Variants in CFTR observed in about 807,000 individuals in gnomAD.
CFTR encodes the protein CF transmembrane conductance regulator.
CFTR carries 181 observed loss-of-function variants against 171.6 expected under a neutral mutation model. The observed-to-expected ratio is 1.05, with a 90% CI of 0.93 to 1.19. The LOEUF (loss-of-function observed/expected upper bound fraction) is 1.19, where lower values mean the gene tolerates loss of function less well. Ranked by LOEUF, CFTR falls within the 50% of genes most tolerant of loss-of-function variation. The pLI is 0.00. For missense variants in CFTR, 1,968 were observed against 1,734.7 expected, an observed-to-expected ratio of 1.13 and a Z score of -2.39; for synonymous variants, 583 against 608.0, an observed-to-expected ratio of 0.96 and a Z score of 0.60.
intron 6 of CFTR, 114 bp downstream of exon 6, chr7:117,535,525 A>AT (rs764945997): frequency 0.2 from 97,627 of 489,662 alleles, 3,278 homozygotes; most frequent in Non-Finnish European, 0.21. Context: ...GTGTCATTAA[A>AT]TTTTTTTTTT....
Position 117,627,690 on chromosome 7 carries a change from A to C in CFTR, c.3637A>C (p.Lys1213Gln), listed in dbSNP as rs1266135988. 7 of 1,613,240 alleles carry C rather than the reference A, an allele frequency of 4.3e-6. No individual in the cohort carries two copies. The highest frequency in any genetic ancestry group is 5.1e-6 in the Non-Finnish European group (6 of 1,179,530). The change falls in exon 22 of 27, where the codon AAA becomes CAA. Residue 1213 changes from lysine to glutamine, a missense_variant. Lys to Gln is a moderately conservative substitution (Grantham distance 53). Transcript: ENST00000003084. Reference protein sequence around the residue: ...IWPSGGQMTVKDLTAKYTEGG... With the variant: ...IWPSGGQMTVQDLTAKYTEGG... Reference sequence around the variant, plus strand: ...GCCCTCAGGGGGCCAAATGACTGTCAAAGATCTCACAGCAAAATACACAGA... The same window carrying C: ...GCCCTCAGGGGGCCAAATGACTGTCCAAGATCTCACAGCAAAATACACAGA...
chr7:117,638,107 C>T (rs1792854344), intron 22 of CFTR, among the ~76,000 whole-genome samples: 1 of 152,178 alleles, frequency 6.6e-6, no homozygotes, highest in Non-Finnish European at 1.5e-5. Flanking sequence ...TACTGGTTCT[C>T]TCAGAGGTTT....
At chr7:117,540,461 T>A in intron 8 of CFTR, 115 bp downstream of exon 8, 1 of 954,376 alleles carries the variant, frequency 1.0e-6, no homozygotes. Context: ...TTTCCTTCAC[T>A]AGGAAGTTAT....
At chr7:117,548,241 C>G (rs1187830700) in intron 9 of CFTR, among the ~76,000 whole-genome samples, 1 of 151,812 alleles carries the variant, frequency 6.6e-6, no homozygotes, top group East Asian at 1.9e-4. Context: ...TCACAGTCTA[C>G]AGCTTTGAAA....
At chr7:117,567,019 G>A (rs767093164) in intron 11 of CFTR, among the ~76,000 whole-genome samples, 1 of 152,158 alleles carries the variant, frequency 6.6e-6, no homozygotes, top group Admixed American at 6.6e-5. Context: ...AATTACAGCT[G>A]TCTAGGAGCA....
intron 24 of CFTR, among the ~76,000 whole-genome samples, chr7:117,654,627 G>T (rs778214614): frequency 1.8e-4 from 27 of 152,058 alleles, no homozygotes; most frequent in Non-Finnish European, 3.5e-4. Flanking sequence ...CCCTGCTCTT[G>T]CACCCTCTTT....
intron 1 of CFTR, chr7:117,487,989 C>T (rs537117013): frequency 2.0e-5 from 3 of 152,166 alleles, no homozygotes; most frequent in Admixed American, 6.6e-5. Flanking sequence ...ATAGGGGGCT[C>T]CCTTTGTACG....
chr7:117,524,803 A>G (rs1236405399), intron 3 of CFTR, among the ~76,000 whole-genome samples: 1 of 152,232 alleles, frequency 6.6e-6, no homozygotes, highest in Non-Finnish European at 1.5e-5. Context: ...GTGGCATGTT[A>G]GGCAGTGCTT....
rs137875514 is a variant in CFTR, at chr7:117,627,574, A to C, written c.3521A>C (p.Lys1174Thr). Reference protein sequence around the residue: ...FKFIDMPTEGKPTKSTKPYKN... With the variant: ...FKFIDMPTEGTPTKSTKPYKN... Reference sequence around the variant, plus strand: ...TTCATTGACATGCCAACAGAAGGTAAACCTACCAAGTCAACCAAACCATAC... The same window carrying C: ...TTCATTGACATGCCAACAGAAGGTACACCTACCAAGTCAACCAAACCATAC... The change falls in exon 22 of 27, where the codon AAA (lysine) becomes ACA (threonine). Residue 1174 changes from lysine to threonine, a missense_variant. Coordinates refer to ENST00000003084, the MANE Select transcript of CFTR (RefSeq NM_000492.4). 17 of 1,613,258 alleles carry C rather than the reference A, an allele frequency of 1.1e-5. No individual in the cohort carries two copies. In the African/African-American group the frequency reaches 2.0e-4, roughly 19 times the overall value.
intron 15 of CFTR, among the ~76,000 whole-genome samples, chr7:117,596,869 A>G (rs1031086767): frequency 9.9e-5 from 15 of 152,130 alleles, no homozygotes; most frequent in African/African-American, 2.4e-5. Flanking sequence ...GTTTGTAAAT[A>G]CACCAATGGA....
chr7:117,556,977 T>A (rs213949), intron 10 of CFTR, among the ~76,000 whole-genome samples: 26,654 of 151,962 alleles, frequency 0.18, 2,589 homozygotes, highest in Non-Finnish European at 0.21. Flanking sequence ...AATTTATAAT[T>A]TTATCTTTAT....
In CFTR at chr7:117,480,129, T is replaced by G; in HGVS notation, c.35T>G (p.Val12Gly). 6.2e-7 allele frequency: 1 copy of G among 1,613,644 alleles called. No homozygotes were observed. Among genetic ancestry groups the G allele is most frequent in the Non-Finnish European group, 8.5e-7 (1 of 1,179,826 alleles). ...QRSPLEKASV[V>G]SKLFFSWTRP... ...TCGCCTCTGGAAAAGGCCAGCGTTGTCTCCAAACTTTTTTTCAGGTGAGAA... is the reference window on the plus strand; with the variant it reads ...TCGCCTCTGGAAAAGGCCAGCGTTGGCTCCAAACTTTTTTTCAGGTGAGAA... Residue 12 changes from valine to glycine, a missense_variant, in exon 1 of 27, where the codon GTC becomes GGC. Transcript: ENST00000003084.
intron 20 of CFTR, among the ~76,000 whole-genome samples, chr7:117,612,038 T>TAC (rs1483732415): frequency 3.9e-5 from 3 of 77,582 alleles, no homozygotes; most frequent in African/African-American, 5.7e-5. Context: ...TATATATATA[T>TAC]ATATATATAT....
intron 10 of CFTR, among the ~76,000 whole-genome samples, chr7:117,549,367 C>G (rs1469683632): frequency 6.6e-6 from 1 of 151,952 alleles, no homozygotes; most frequent in African/African-American, 2.4e-5. Context: ...TCTCCATATC[C>G]CACCCTAAGA....
chr7:117,588,404 A>G (rs1791977931), intron 12 of CFTR, among the ~76,000 whole-genome samples: 1 of 152,250 alleles, frequency 6.6e-6, no homozygotes, highest in Non-Finnish European at 1.5e-5. Flanking sequence ...AAAGAGATGT[A>G]AATATAGATA....
chr7:117,604,149 T>C (rs914077275), intron 17 of CFTR, among the ~76,000 whole-genome samples: 3 of 151,538 alleles, frequency 2.0e-5, no homozygotes, highest in African/African-American at 7.4e-5. Flanking sequence ...AGATTTGAAG[T>C]GATCAAGGAA....
intron 14 of CFTR, 61 bp downstream of exon 14, chr7:117,592,718 A>G (rs1792054990): frequency 7.3e-7 from 1 of 1,364,146 alleles, no homozygotes; most frequent in Non-Finnish European, 9.6e-7. Flanking sequence ...AGAATGCAAT[A>G]TGTAGCATGT....
chr7:117,559,389 A>G, intron 10 of CFTR, 75 bp from the exon 11 acceptor site: 1 of 920,586 alleles, frequency 1.1e-6, no homozygotes, highest in African/African-American at 1.6e-5. Context: ...ACTTCTGCTT[A>G]GGATGATAAT....
intron 23 of CFTR, among the ~76,000 whole-genome samples, chr7:117,645,094 A>G (rs1792979293): frequency 2.0e-5 from 3 of 152,194 alleles, no homozygotes; most frequent in Non-Finnish European, 4.4e-5. Context: ...ATGTCCACAC[A>G]TAACTCCCAC....
Sources: gnomAD v4.1 joint callset for allele counts (sites outside exome capture counted in the v4.1 genomes callset) on GRCh38, gnomAD v4.1.1 for gene constraint, MANE v1.5 for transcripts, NCBI Gene and HGNC (gene_info 2026-07-23, HGNC 2026-07-21) for gene names.